SENP7: variants seen among roughly 807,000 people sequenced by gnomAD.
SENP7 encodes SUMO specific peptidase 7, also known as sentrin-specific protease 7.
Under a neutral mutation model 141.2 loss-of-function variants are expected in SENP7, and 64 were observed. That is an observed-to-expected ratio of 0.45 (90% CI 0.37 to 0.56). The LOEUF (loss-of-function observed/expected upper bound fraction) is 0.56, where lower values mean the gene tolerates loss of function less well. Among genes scored for constraint, SENP7 ranks in the 20% least tolerant of loss-of-function variants. The pLI, the probability that SENP7 is intolerant of heterozygous loss-of-function variation, is 0.00. For synonymous variants in SENP7, 382 were observed against 426.4 expected (o/e 0.90, Z 1.28); for missense variants, 1,025 against 1,212.2 (o/e 0.85, Z 2.29).
intron 12 of SENP7, among the ~76,000 whole-genome samples, 172 bp from the exon 13 acceptor site, chr3:101,348,223 C>CA (rs1559700173): frequency 6.6e-6 from 1 of 151,822 alleles, no homozygotes; most frequent in Admixed American, 6.6e-5. Flanking sequence ...AAAATGCCCC[C>CA]AGCAGTATTA....
chr3:101,428,129 T>C (rs4456838), intron 4 of SENP7, among the ~76,000 whole-genome samples: 102,981 of 151,500 alleles, frequency 0.68, 35,475 homozygotes, highest in African/African-American at 0.78. Flanking sequence ...CAAGACTTTA[T>C]TATTATGAAT....
At chr3:101,482,691 G>A (rs1459873032) in intron 3 of SENP7, among the ~76,000 whole-genome samples, 1 of 152,052 alleles carries the variant, frequency 6.6e-6, no homozygotes, top group African/African-American at 2.4e-5. Flanking sequence ...AGAGAGTGTG[G>A]TATGGGTGAA....
At chr3:101,470,670 G>A (rs2063952599) in intron 3 of SENP7, among the ~76,000 whole-genome samples, 1 of 152,136 alleles carries the variant, frequency 6.6e-6, no homozygotes, top group Admixed American at 6.6e-5. Flanking sequence ...GCAAGAGAAA[G>A]AAATAAAGAG....
intron 4 of SENP7, among the ~76,000 whole-genome samples, chr3:101,437,884 A>G (rs570037887): frequency 4.6e-5 from 7 of 152,208 alleles, no homozygotes; most frequent in East Asian, 3.9e-4. Flanking sequence ...TAAGACTACA[A>G]TGAAATGCCA....
At chr3:101,341,885 G>A in intron 14 of SENP7, 106 bp from the exon 15 acceptor site, 4 of 1,115,974 alleles carry the variant, frequency 3.6e-6, no homozygotes, top group East Asian at 2.7e-5. Flanking sequence ...AAATCCCTAT[G>A]AATTATATCT....
chr3:101,435,729 A>T (rs930785840), intron 4 of SENP7, among the ~76,000 whole-genome samples: 20 of 152,076 alleles, frequency 1.3e-4, no homozygotes, highest in African/African-American at 4.8e-4. Flanking sequence ...AAGAAGGGAA[A>T]GATCTCTACA....
At chr3:101,431,508 CTTTTT>C (rs56937965) in intron 4 of SENP7, among the ~76,000 whole-genome samples, 34 of 82,902 alleles carry the variant, frequency 4.1e-4, no homozygotes, top group Non-Finnish European at 6.5e-4. Context: ...GCAACCCCTG[CTTTTT>C]TTTTTTTTTT....
Position 101,347,944 on chromosome 3 carries a change from A to G in SENP7, c.1765T>C (p.Phe589Leu), listed in dbSNP as rs2059511426. The change falls in exon 13 of 24, where the codon TTC becomes CTC. Residue 589 changes from phenylalanine to leucine, a missense_variant. Physicochemically the swap from Phe to Leu is conservative, Grantham distance 22. This residue lies in a region of SENP7 where 228 missense variants were observed against 228.5 expected (regional missense o/e 1.00). Transcript: ENST00000394095. ...NHSKRSHAIL[F>L]FWVSSDYLQE... ...AGATAATCTGAAGAGACCCAGAAGA[A>G]AAGAATAGCATGACTCCTTTTACTG... 1 of 1,610,336 alleles carries G rather than the reference A, an allele frequency of 6.2e-7. No homozygotes were observed. The highest frequency in any genetic ancestry group is 8.5e-7 in the Non-Finnish European group (1 of 1,177,488).
At chr3:101,412,848 G>A (rs1179924081) in intron 5 of SENP7, among the ~76,000 whole-genome samples, 1 of 152,048 alleles carries the variant, frequency 6.6e-6, no homozygotes, top group Non-Finnish European at 1.5e-5. Flanking sequence ...ACACTAAAAT[G>A]CAGTTTACAT....
intron 9 of SENP7, among the ~76,000 whole-genome samples, 162 bp from the exon 10 acceptor site, chr3:101,365,153 C>G (rs1177487827): frequency 6.6e-6 from 1 of 151,880 alleles, no homozygotes; most frequent in Admixed American, 6.6e-5. Flanking sequence ...CAGGCATGCG[C>G]CACCATGCCC....
chr3:101,425,046 T>C (rs1241928973), intron 4 of SENP7, among the ~76,000 whole-genome samples: 16 of 152,334 alleles, frequency 1.1e-4, no homozygotes, highest in Admixed American at 6.5e-5. Flanking sequence ...TTTCACCTTC[T>C]GCCATAATTG....
intron 4 of SENP7, among the ~76,000 whole-genome samples, chr3:101,435,762 T>C (rs939604758): frequency 7.9e-5 from 12 of 151,658 alleles, no homozygotes; most frequent in African/African-American, 2.7e-4. Context: ...AAACAATTAT[T>C]AAGAAATATG....
intron 3 of SENP7, among the ~76,000 whole-genome samples, chr3:101,487,483 T>C (rs991302101): frequency 1.1e-4 from 16 of 152,290 alleles, no homozygotes; most frequent in African/African-American, 3.8e-4. Flanking sequence ...CATTTGTCAA[T>C]TTTGTTTTTG....
At chr3:101,414,095 C>T (rs990856156) in intron 5 of SENP7, 24 of 333,318 alleles carry the variant, frequency 7.2e-5, no homozygotes, top group Non-Finnish European at 2.2e-5. Flanking sequence ...AATAAAGGCA[C>T]GAAGTTATTA....
At chr3:101,459,311 T>C (rs1185576342) in intron 3 of SENP7, among the ~76,000 whole-genome samples, 1 of 152,110 alleles carries the variant, frequency 6.6e-6, no homozygotes, top group African/African-American at 2.4e-5. Context: ...TTCCAAAGCT[T>C]AAACAGCTAT....
At position 101,366,827 on chromosome 3, in the gene SENP7, T is replaced by C. The variant is rs992747732; in HGVS notation, c.979-58A>G. On this transcript the variant is annotated intron_variant, in intron 8 of 23. Transcript: ENST00000394095. The stretch of plus-strand genomic sequence containing the variant: ...TTTCAAATTTGGCTTGCTTAAACCA[T>C]TTTTAAATTCCTAAAAAAAAGTAAA... 3 of 1,112,414 alleles carry C rather than the reference T, an allele frequency of 2.7e-6. No homozygotes were observed. The African/African-American group carries it at 5.0e-5, about 18-fold the overall frequency. The allele number at this position is 1,112,414 out of a possible 1,614,324, so 68.9% of individuals were successfully genotyped here. A position where few individuals can be genotyped will look rare whatever the true frequency, so the allele number is the denominator to read the frequency against.
chr3:101,352,597 A>G (rs1336098520), intron 11 of SENP7, among the ~76,000 whole-genome samples: 3 of 152,008 alleles, frequency 2.0e-5, no homozygotes, highest in Non-Finnish European at 4.4e-5. Flanking sequence ...GTACTATCTA[A>G]AGCAGACTTC....
At chr3:101,391,287 A>G (rs1324483562) in intron 6 of SENP7, among the ~76,000 whole-genome samples, 2 of 151,950 alleles carry the variant, frequency 1.3e-5, no homozygotes, top group African/African-American at 4.8e-5. Context: ...TAAAAGGATC[A>G]ACATAATAAA....
chr3:101,391,501 A>T (rs1021757182), intron 6 of SENP7, among the ~76,000 whole-genome samples: 1 of 152,182 alleles, frequency 6.6e-6, no homozygotes, highest in Non-Finnish European at 1.5e-5. Flanking sequence ...GAAACTGAAA[A>T]ATTCCTAGAG....
Sources: gnomAD v4.1 joint callset for allele counts (sites outside exome capture counted in the v4.1 genomes callset) on GRCh38, gnomAD v4.1.1 for gene constraint, gnomAD v4.1.1 regional missense constraint, MANE v1.5 for transcripts, NCBI Gene and HGNC (gene_info 2026-07-23, HGNC 2026-07-21) for gene names.